The following VPS50 variants were observed in gnomAD, a reference collection of about 807,000 sequenced individuals.
VPS50 encodes VPS50 subunit of EARP/GARPII complex.
In VPS50, 70 loss-of-function variants were observed where a neutral mutation model predicts 139.7. The observed-to-expected ratio is 0.50, with a 90% CI of 0.41 to 0.61. The LOEUF (loss-of-function observed/expected upper bound fraction) is 0.61, where lower values mean the gene tolerates loss of function less well. VPS50 is among the 20% of genes least tolerant of loss of function. The pLI, the probability that VPS50 is intolerant of heterozygous loss-of-function variation, is 0.00. For missense variants in VPS50, 921 were observed against 1,133.7 expected (o/e 0.81, Z 2.69); for synonymous variants, 365 against 376.7 (o/e 0.97, Z 0.36).
At chr7:93,300,737 C>A (rs1226731807) in intron 16 of VPS50, among the ~76,000 whole-genome samples, 2 of 151,740 alleles carry the variant, frequency 1.3e-5, no homozygotes, top group Non-Finnish European at 2.9e-5. Flanking sequence ...CCTTTGTTAA[C>A]AGCTTATCAA....
chr7:93,354,507 T>G, intron 26 of VPS50, among the ~76,000 whole-genome samples: 1 of 152,102 alleles, frequency 6.6e-6, no homozygotes, highest in Non-Finnish European at 1.5e-5. Flanking sequence ...TTGGCCAAGC[T>G]GTTCTTGATC....
intron 22 of VPS50, among the ~76,000 whole-genome samples, chr7:93,337,995 C>T (rs1415417351): frequency 6.6e-6 from 1 of 152,060 alleles, no homozygotes; most frequent in African/African-American, 2.4e-5. Context: ...TTTGAGTAGC[C>T]ACCCATTTTG....
chr7:93,353,095 A>G (rs1040788716), intron 25 of VPS50, among the ~76,000 whole-genome samples: 3 of 152,156 alleles, frequency 2.0e-5, no homozygotes, highest in African/African-American at 7.2e-5. Context: ...GAAAAAATCC[A>G]GAGTCCAAAA....
chr7:93,279,846 G>A (rs1796270199), intron 12 of VPS50, among the ~76,000 whole-genome samples: 1 of 152,156 alleles, frequency 6.6e-6, no homozygotes, highest in South Asian at 2.1e-4. Context: ...GAGTTCCTGT[G>A]AACAGGGAAT....
chr7:93,249,597 G>C (rs1450634684), intron 2 of VPS50, among the ~76,000 whole-genome samples: 3 of 152,128 alleles, frequency 2.0e-5, no homozygotes, highest in Non-Finnish European at 2.9e-5. Flanking sequence ...AGCAGTTTTT[G>C]TAATCTTCAA....
intron 18 of VPS50, among the ~76,000 whole-genome samples, chr7:93,307,346 A>G (rs933335943): frequency 4.6e-5 from 7 of 151,934 alleles, no homozygotes; most frequent in South Asian, 2.1e-4. Context: ...CAGCACTTCA[A>G]CGCAACACTT....
In VPS50 at chr7:93,345,008, A is replaced by G. The variant is rs181770839; in HGVS notation, c.2207+3433A>G. Among the ~76,000 whole-genome samples the G allele has an allele frequency of 3.1e-3, 477 of 152,334 alleles. 1 individual carries two copies. Among genetic ancestry groups the G allele is most frequent in the African/African-American group, 0.011 (456 of 41,572 alleles). On this transcript the variant is annotated intron_variant, in intron 23 of 27. Transcript: ENST00000305866. ...GAGAACTGAAGGAAATAGAGACACA[A>G]AAAACCCTTCACAAAATTAACGAAT...
intron 11 of VPS50, 40 bp downstream of exon 11, chr7:93,272,773 G>T: frequency 3.2e-6 from 3 of 926,634 alleles, no homozygotes; most frequent in East Asian, 2.5e-5. Flanking sequence ...CCTTAATCAG[G>T]AATTTGTTGT....
chr7:93,261,689 A>AT, intron 9 of VPS50, among the ~76,000 whole-genome samples: 1 of 151,584 alleles, frequency 6.6e-6, no homozygotes, highest in South Asian at 2.1e-4. Flanking sequence ...AAAAAAAAAA[A>AT]AAAAAAAAAA....
At chr7:93,270,568 G>A (rs1250679348) in intron 9 of VPS50, among the ~76,000 whole-genome samples, 2 of 151,988 alleles carry the variant, frequency 1.3e-5, no homozygotes, top group Admixed American at 6.6e-5. Flanking sequence ...CAAGGATTCT[G>A]TGTGCTTTTC....
At chr7:93,304,255 G>T (rs980442016) in intron 17 of VPS50, among the ~76,000 whole-genome samples, 1 of 151,740 alleles carries the variant, frequency 6.6e-6, no homozygotes, top group Admixed American at 6.6e-5. Context: ...GGTGTGTTTA[G>T]TTTCTGCCTT....
rs757024053 is a variant in VPS50, at chr7:93,358,433, A to G, written c.2892A>G (p.Arg964=). ...AAIDDIDRPK[R] is the part of the protein sequence containing the mutation. The stretch of plus-strand genomic sequence containing the variant: ...TAGATGATATAGACAGACCTAAAAG[A>G]TAATGAACACAGCTCTCTTTCCTCA... Residue 964 remains arginine (R), a synonymous_variant, in exon 28 of 28, where the codon AGA becomes AGG. Transcript: ENST00000305866. 1.2e-6 allele frequency: 2 copies of G among 1,610,778 alleles called. No homozygotes were observed. Among genetic ancestry groups the G allele is most frequent in the South Asian group, 1.1e-5 (1 of 90,804 alleles).
chr7:93,250,263 A>T (rs1443052947), intron 2 of VPS50, among the ~76,000 whole-genome samples: 1 of 150,898 alleles, frequency 6.6e-6, no homozygotes, highest in East Asian at 2.0e-4. Flanking sequence ...GAAATTACTA[A>T]TAGGGAATAA....
chr7:93,251,704 G>T (rs1302421501), intron 2 of VPS50, among the ~76,000 whole-genome samples: 3 of 152,092 alleles, frequency 2.0e-5, no homozygotes, highest in Non-Finnish European at 4.4e-5. Context: ...TTCTTTAACT[G>T]ACCAGATAAT....
chr7:93,243,982 T>C (rs1232101840), intron 2 of VPS50, among the ~76,000 whole-genome samples: 2 of 151,764 alleles, frequency 1.3e-5, no homozygotes, highest in Non-Finnish European at 3.0e-5. Context: ...TCTTTAATGA[T>C]AAGGGGGTTT....
intron 13 of VPS50, among the ~76,000 whole-genome samples, 158 bp downstream of exon 13, chr7:93,291,993 C>A (rs996112397): frequency 1.3e-5 from 2 of 152,200 alleles, no homozygotes; most frequent in African/African-American, 4.8e-5. Context: ...TCAGCTACTT[C>A]AAATGTTCTA....
At chr7:93,295,494 T>C (rs539797567) in intron 14 of VPS50, 3 of 152,328 alleles carry the variant, frequency 2.0e-5, no homozygotes, top group South Asian at 2.1e-4. Flanking sequence ...CAGTATCTTA[T>C]TAAGTTTTTC....
chr7:93,234,975 C>T (rs1056602987), intron 1 of VPS50, among the ~76,000 whole-genome samples: 1 of 151,582 alleles, frequency 6.6e-6, no homozygotes, highest in African/African-American at 2.4e-5. Context: ...AAGGCAGACA[C>T]GGTGATAAAC....
intron 21 of VPS50, among the ~76,000 whole-genome samples, chr7:93,329,744 T>G (rs1797881020): frequency 6.6e-6 from 1 of 152,128 alleles, no homozygotes; most frequent in South Asian, 2.1e-4. Context: ...AGTTAACACC[T>G]TGAAGGTACA....
Sources: gnomAD v4.1 joint callset for allele counts (sites outside exome capture counted in the v4.1 genomes callset) on GRCh38, gnomAD v4.1.1 for gene constraint, MANE v1.5 for transcripts, NCBI Gene and HGNC (gene_info 2026-07-23, HGNC 2026-07-21) for gene names.